The following SGCZ variants were observed in gnomAD, a reference collection of about 807,000 sequenced individuals.
SGCZ encodes sarcoglycan zeta, also known as zeta-sarcoglycan.
In SGCZ, 40 loss-of-function variants were observed where a neutral mutation model predicts 41.3. That is an observed-to-expected ratio of 0.97 (90% CI 0.75 to 1.26). The LOEUF (loss-of-function observed/expected upper bound fraction) is 1.26. SGCZ is among the 50% of genes most tolerant of loss of function. The pLI is 0.00. For missense variants in SGCZ, 552 were observed against 369.8 expected (o/e 1.49, Z -4.04); for synonymous variants, 206 against 137.5 (o/e 1.50, Z -3.49).
chr8:15,160,406 G>T (rs1309039871), intron 1 of SGCZ, among the ~76,000 whole-genome samples: 1 of 152,136 alleles, frequency 6.6e-6, no homozygotes, highest in Non-Finnish European at 1.5e-5. Flanking sequence ...ACTCTTGGGT[G>T]CTTCCACCTT....
chr8:14,220,758 G>C (rs1253580230), intron 4 of SGCZ, among the ~76,000 whole-genome samples: 1 of 149,212 alleles, frequency 6.7e-6, no homozygotes, highest in Admixed American at 6.8e-5. Context: ...CTGCACTCCA[G>C]CCTGGGCGAC....
At chr8:14,659,963 G>A (rs1364243435) in intron 1 of SGCZ, among the ~76,000 whole-genome samples, 1 of 152,122 alleles carries the variant, frequency 6.6e-6, no homozygotes. Flanking sequence ...TGAACATGAA[G>A]GCAGAGATTA....
chr8:14,464,866 T>G (rs1450577724), intron 2 of SGCZ, among the ~76,000 whole-genome samples: 1 of 151,600 alleles, frequency 6.6e-6, no homozygotes, highest in Non-Finnish European at 1.5e-5. Context: ...GTTTTTTAAT[T>G]TCCATAAATA....
chr8:14,976,963 T>G (rs1176867579), intron 1 of SGCZ, among the ~76,000 whole-genome samples: 1 of 152,244 alleles, frequency 6.6e-6, no homozygotes, highest in Non-Finnish European at 1.5e-5. Context: ...TAAAGTTTTC[T>G]GCAGTTTCAC....
At chr8:14,464,743 T>C (rs935698023) in intron 2 of SGCZ, among the ~76,000 whole-genome samples, 1 of 151,610 alleles carries the variant, frequency 6.6e-6, no homozygotes, top group African/African-American at 2.4e-5. Context: ...AAATACGCCA[T>C]GTAACACTGA....
intron 1 of SGCZ, among the ~76,000 whole-genome samples, chr8:15,056,944 G>T (rs1804728667): frequency 6.6e-6 from 1 of 152,152 alleles, no homozygotes; most frequent in East Asian, 1.9e-4. Context: ...GACAAGGATG[G>T]GTGTTTTGAG....
At chr8:14,381,299 G>C (rs945181570) in intron 2 of SGCZ, among the ~76,000 whole-genome samples, 8 of 152,212 alleles carry the variant, frequency 5.3e-5, no homozygotes, top group African/African-American at 1.9e-4. Context: ...AGAGAGTAGA[G>C]TTAGAAAGAA....
intron 1 of SGCZ, among the ~76,000 whole-genome samples, chr8:14,769,650 G>T (rs565531426): frequency 2.0e-5 from 3 of 151,896 alleles, no homozygotes; most frequent in Non-Finnish European, 4.4e-5. Flanking sequence ...AAATTAGCTG[G>T]GCATGGTGGC....
intron 1 of SGCZ, among the ~76,000 whole-genome samples, chr8:14,817,680 A>C (rs368529599): frequency 3.2e-4 from 49 of 152,270 alleles, no homozygotes; most frequent in African/African-American, 1.2e-3. Context: ...ACATGGCACC[A>C]CCCTCATTCC....
intron 3 of SGCZ, among the ~76,000 whole-genome samples, chr8:14,318,001 C>T (rs1234727115): frequency 6.6e-6 from 1 of 151,646 alleles, no homozygotes; most frequent in African/African-American, 2.4e-5. Context: ...TACAGCTAGA[C>T]TTTGGGTTTC....
intron 1 of SGCZ, among the ~76,000 whole-genome samples, chr8:14,983,585 T>A (rs558401023): frequency 6.6e-6 from 1 of 152,166 alleles, no homozygotes; most frequent in South Asian, 2.1e-4. Flanking sequence ...CCTCAAACGC[T>A]CCTCCTACCT....
chr8:15,205,446 A>C (rs916612614), intron 1 of SGCZ, among the ~76,000 whole-genome samples: 1 of 152,204 alleles, frequency 6.6e-6, no homozygotes, highest in Non-Finnish European at 1.5e-5. Flanking sequence ...GGCAAAGGAC[A>C]TGAACAGACA....
chr8:14,529,383 C>G (rs1803055280), intron 2 of SGCZ, among the ~76,000 whole-genome samples: 1 of 152,158 alleles, frequency 6.6e-6, no homozygotes, highest in African/African-American at 2.4e-5. Context: ...CTCATAAAGA[C>G]TGCCAGGGGC....
chr8:15,234,560 G>A (rs1397957526), intron 1 of SGCZ, among the ~76,000 whole-genome samples: 1 of 151,408 alleles, frequency 6.6e-6, no homozygotes, highest in Admixed American at 6.7e-5. Context: ...ACCTTCATTA[G>A]CAAGTTTTAC....
At chr8:14,440,156 G>A (rs1004555935) in intron 2 of SGCZ, among the ~76,000 whole-genome samples, 5 of 151,880 alleles carry the variant, frequency 3.3e-5, no homozygotes, top group Admixed American at 6.6e-5. Flanking sequence ...AAACTACAAG[G>A]TGTTTGTTTT....
intron 2 of SGCZ, among the ~76,000 whole-genome samples, chr8:14,466,793 C>A (rs1206907974): frequency 6.6e-6 from 1 of 151,610 alleles, no homozygotes; most frequent in Admixed American, 6.6e-5. Flanking sequence ...CTCTAAAATA[C>A]CTTTTGATTT....
chr8:14,996,311 C>G (rs1178991267), intron 1 of SGCZ, among the ~76,000 whole-genome samples: 1 of 152,208 alleles, frequency 6.6e-6, no homozygotes, highest in African/African-American at 2.4e-5. Flanking sequence ...AAAAGCATGT[C>G]TCTTTAACCA....
chr8:14,872,367 C>T (rs1304516501), intron 1 of SGCZ, among the ~76,000 whole-genome samples: 3 of 151,938 alleles, frequency 2.0e-5, no homozygotes, highest in Non-Finnish European at 4.4e-5. Context: ...TTCTATTGTT[C>T]TCACAAATAA....
chr8:14,819,037 T>A (rs1261562938), intron 1 of SGCZ, among the ~76,000 whole-genome samples: 1 of 151,904 alleles, frequency 6.6e-6, no homozygotes, highest in South Asian at 2.1e-4. Flanking sequence ...GATATCCAGA[T>A]TCAGGAAGCT....
Sources: allele counts gnomAD v4.1 joint callset (sites outside exome capture counted in the v4.1 genomes callset), GRCh38; gene constraint gnomAD v4.1.1; transcripts MANE v1.5; gene names NCBI Gene and HGNC (gene_info 2026-07-23, HGNC 2026-07-21).